The following HPS4 variants were observed in gnomAD, a reference collection of about 807,000 sequenced individuals.
The protein encoded by HPS4 is BLOC-3 complex member HPS4.
A neutral mutation model predicts 70.3 loss-of-function variants in HPS4; 44 were observed. That is an observed-to-expected ratio of 0.63 (90% confidence interval 0.49 to 0.80). The LOEUF is 0.80. Ranked by LOEUF, HPS4 falls within the 30% of genes least tolerant of loss-of-function variation. The probability of loss-of-function intolerance (pLI) is 0.00; values close to 1 mark genes in which losing one functional copy is unlikely to be tolerated. For synonymous variants in HPS4, 377 were observed against 355.9 expected (o/e 1.06, Z -0.67); for missense variants, 873 against 884.4 (o/e 0.99, Z 0.16).
In HPS4 at chr22:26,464,797, T is replaced by A. The variant is rs374205780; in HGVS notation, c.833A>T (p.Asp278Val). The change falls in exon 11 of 14, where the codon GAT becomes GTT. Residue 278 changes from aspartate to valine, a missense_variant. Transcript: ENST00000398145. ...CTTTGGATGGTGCTGGGCTGAACCA[T>A]CCTGGAGTCCTGCTGGAGATGCTAG... The part of the protein sequence containing the change: ...RSLASPAGLQ[D>V]GSAQHHPKGG... The A allele has an allele frequency of 6.9e-6, 11 of 1,591,568 alleles. No individual in the cohort carries two copies. The African/African-American group carries it at 1.5e-4, about 22-fold the overall frequency.
At chr22:26,480,773 C>A (rs1350396759) in intron 2 of HPS4, among the ~76,000 whole-genome samples, 1 of 151,984 alleles carries the variant, frequency 6.6e-6, no homozygotes, top group Non-Finnish European at 1.5e-5. Flanking sequence ...ACAAAATTAG[C>A]CAGGCATGGT....
downstream of HPS4, among the ~76,000 whole-genome samples, chr22:26,450,233 T>C (rs963146945): frequency 2.0e-5 from 3 of 152,176 alleles, no homozygotes; most frequent in South Asian, 2.1e-4. Flanking sequence ...GGGCCACCAT[T>C]CAGCTCACTG....
rs1269051381 is a variant in HPS4 at position 26,465,490 on chromosome 22, A to G, written c.768T>C (p.Ile256=). ...GTTCCACCGGGAACTCGTGGAGACT[A>G]ATGGCTTCCTCTTTGGTCACAAAAA... ...IPVFVTKEEA[I]SLHEFPVEQM... The change falls in exon 10 of 14, where the codon ATT becomes ATC. Residue 256 remains isoleucine, a synonymous_variant. Coordinates refer to ENST00000398145, the MANE Select transcript of HPS4 (RefSeq NM_022081.6). The G allele has an allele frequency of 1.9e-6, 3 of 1,614,070 alleles. No homozygotes were observed. The Admixed American group carries it at 5.0e-5, about 27-fold the overall frequency.
intron 6 of HPS4, chr22:26,471,077 T>C (rs975111375): frequency 8.4e-6 from 5 of 593,596 alleles, no homozygotes; most frequent in African/African-American, 3.7e-5. Context: ...ATATGGCATA[T>C]GGCTATTCAA....
chr22:26,469,643 G>T (rs1422023148), intron 7 of HPS4, among the ~76,000 whole-genome samples: 1 of 147,664 alleles, frequency 6.8e-6, no homozygotes, highest in African/African-American at 2.5e-5. Flanking sequence ...TTGAAGCCAG[G>T]TGTTTGAGAC....
At chr22:26,470,027 C>T (rs1257922661) in intron 7 of HPS4, among the ~76,000 whole-genome samples, 1 of 152,246 alleles carries the variant, frequency 6.6e-6, no homozygotes, top group Non-Finnish European at 1.5e-5. Context: ...GGCCCAAGGG[C>T]CCCTGCGAGA....
chr22:26,471,408 AT>A (rs749147918), intron 6 of HPS4: 19 of 456,162 alleles, frequency 4.2e-5, no homozygotes, highest in South Asian at 2.9e-4. Context: ...CAAGAAAAGC[AT>A]CTGGACCTGG....
In HPS4 at chr22:26,464,709, G is replaced by A. The variant is rs745353489; in HGVS notation, c.921C>T (p.Thr307=). ...ATGHVESMAW[T]TPDPTSPDEA... is the part of the protein sequence containing the mutation. ...CGTCAGGGGATGTGGGATCTGGGGTGGTCCAGGCCATGGATTCCACATGGC... is the reference window on the plus strand; with the variant it reads ...CGTCAGGGGATGTGGGATCTGGGGTAGTCCAGGCCATGGATTCCACATGGC... Residue 307 remains threonine, a synonymous_variant, in exon 11 of 14, where the codon ACC becomes ACT. Coordinates refer to ENST00000398145, the MANE Select transcript of HPS4 (RefSeq NM_022081.6). 28 of 1,604,582 alleles carry A rather than the reference G, an allele frequency of 1.7e-5. 4 individuals carry two copies. In the Middle Eastern group the frequency reaches 4.7e-3, roughly 267 times the overall value.
intron 13 of HPS4, among the ~76,000 whole-genome samples, chr22:26,455,906 T>C (rs1253517714): frequency 6.6e-6 from 1 of 152,030 alleles, no homozygotes; most frequent in East Asian, 1.9e-4. Flanking sequence ...ATGCTGACAT[T>C]TTACTTGTTT....
rs753017691 is a variant in HPS4 at position 26,457,905 on chromosome 22, G to C, written c.1909C>G (p.His637Asp). The change falls in exon 13 of 14, where the codon CAT becomes GAT. Residue 637 changes from histidine (H) to aspartate (D), a missense_variant. Physicochemically the swap from His to Asp is moderately conservative, Grantham distance 81. Transcript: ENST00000398145. ...GCGGGCAGCTGGGCAAATTCGCTATGCATCAGGCTGACGGCCTGGAGGAAG... is the reference window on the plus strand; with the variant it reads ...GCGGGCAGCTGGGCAAATTCGCTATCCATCAGGCTGACGGCCTGGAGGAAG... ...RRFLQAVSLM[H>D]SEFAQLPALY... 6.2e-7 allele frequency: 1 copy of C among 1,614,220 alleles called. No individual in the cohort carries two copies. Among genetic ancestry groups the C allele is most frequent in the Admixed American group, 1.7e-5 (1 of 60,036 alleles).
At position 26,452,778 on chromosome 22, in the gene HPS4, C is replaced by A; in HGVS notation, c.*455G>T. The A allele has an allele frequency of 4.0e-6, 1 of 248,966 alleles. No individual in the cohort carries two copies. The highest frequency in any genetic ancestry group is 7.9e-6 in the Non-Finnish European group (1 of 125,908). 15.4% of individuals were successfully genotyped at this position (248,966 alleles called of 1,614,324 possible). A position where few individuals can be genotyped will look rare whatever the true frequency, so the allele number is the denominator to read the frequency against. The stretch of plus-strand genomic sequence containing the variant: ...GGCGTGGGAGTGGAGTCGGCCTGCT[C>A]ACAGATCCGGCACCTCGCTGTGCAG... On this transcript the variant is annotated 3_prime_UTR_variant, in exon 14 of 14. Coordinates refer to ENST00000398145, the MANE Select transcript of HPS4 (RefSeq NM_022081.6).
At position 26,452,258 on chromosome 22, in the gene HPS4, G is replaced by A; in HGVS notation, c.*975C>T. On this transcript the variant is annotated 3_prime_UTR_variant, in exon 14 of 14. Transcript: ENST00000398145. ...GTACTTCCAGTAAACATTCAGTTAA[G>A]ATTTTGACAAATATTTTCATCCTGC... 2.3e-6 allele frequency: 1 copy of A among 429,588 alleles called. No homozygotes were observed. The highest frequency in any genetic ancestry group is 2.8e-5 in the Admixed American group (1 of 36,314). 26.6% of individuals were successfully genotyped at this position (429,588 alleles called of 1,614,324 possible).
chr22:26,458,837 A>C (rs915747694), intron 11 of HPS4, among the ~76,000 whole-genome samples: 2 of 151,970 alleles, frequency 1.3e-5, no homozygotes, highest in African/African-American at 4.8e-5. Flanking sequence ...AAAAAAAAAA[A>C]ATCATTCATG....
At position 26,457,985 on chromosome 22, in the gene HPS4, A is replaced by G. The variant is rs747458376; in HGVS notation, c.1847-18T>C. The G allele has an allele frequency of 6.3e-7, 1 of 1,580,866 alleles. No homozygotes were observed. On this transcript the variant is annotated intron_variant, in intron 12 of 13. Transcript: ENST00000398145. ...CAGGTTTGCTTCCAGAAGAGGACACAGAGTTGTGAAGAGCAGACAGTTACC... is the reference window on the plus strand; with the variant it reads ...CAGGTTTGCTTCCAGAAGAGGACACGGAGTTGTGAAGAGCAGACAGTTACC...
chr22:26,460,500 T>A (rs961843323), intron 11 of HPS4, among the ~76,000 whole-genome samples: 6 of 152,262 alleles, frequency 3.9e-5, no homozygotes, highest in African/African-American at 1.4e-4. Flanking sequence ...CCTTCCATGC[T>A]GAGCTGGTGT....
chr22:26,483,529 C>A (rs549497961), intron 1 of HPS4, 145 bp downstream of exon 1: 71 of 167,860 alleles, frequency 4.2e-4, no homozygotes, highest in African/African-American at 1.5e-3. Context: ...CTGGTAACAG[C>A]ACTAGGGCTG....
chr22:26,466,903 G>C (rs1044386161), intron 8 of HPS4: 5 of 153,760 alleles, frequency 3.3e-5, no homozygotes, highest in African/African-American at 1.2e-4. Context: ...AGAATGATAT[G>C]GTGTTCTTCC....
chr22:26,478,157 C>G lies in HPS4; in HGVS notation c.133-1021G>C, dbSNP rs532283268. ...AACTTTCGTTAGGTGTGGTAATGTT[C>G]AAAATAATGCCCTTTTCAGTTAGAG... On this transcript the variant is annotated intron_variant, in intron 3 of 13. Coordinates refer to ENST00000398145, the MANE Select transcript of HPS4 (RefSeq NM_022081.6). Among the ~76,000 whole-genome samples the G allele has an allele frequency of 7.9e-5, 12 of 151,820 alleles. No individual in the cohort carries two copies. The East Asian group carries it at 2.3e-3, about 30-fold the overall frequency.
chr22:26,443,619 TA>T (rs35059406), downstream of HPS4: 650 of 129,940 alleles, frequency 5.0e-3, 3 homozygotes, highest in African/African-American at 0.011. Flanking sequence ...GTGGTCATCT[TA>T]AAAAAAAAAA....
Sources: allele counts gnomAD v4.1 joint callset (sites outside exome capture counted in the v4.1 genomes callset), GRCh38; gene constraint gnomAD v4.1.1; transcripts MANE v1.5; gene names NCBI Gene and HGNC (gene_info 2026-07-23, HGNC 2026-07-21).